LMOD1: variants seen among roughly 807,000 people sequenced by gnomAD.
The protein encoded by LMOD1 is leiomodin 1.
In LMOD1, 8 loss-of-function variants were observed where a neutral mutation model predicts 36.5. That is an observed-to-expected ratio of 0.22 (90% confidence interval 0.13 to 0.40). The LOEUF is 0.40. Ranked by LOEUF, LMOD1 falls within the 10% of genes least tolerant of loss-of-function variation. The probability of loss-of-function intolerance (pLI) is 1.00; values close to 1 mark genes in which losing one functional copy is unlikely to be tolerated. For missense variants in LMOD1, 630 were observed against 751.1 expected, an observed-to-expected ratio of 0.84 and a Z score of 1.88; for synonymous variants, 284 against 288.7, an observed-to-expected ratio of 0.98 and a Z score of 0.17.
chr1:201,939,151 T>C (rs1238733684), intron 1 of LMOD1, among the ~76,000 whole-genome samples: 2 of 148,860 alleles, frequency 1.3e-5, no homozygotes, highest in African/African-American at 4.9e-5. Context: ...TTTTTTTTTT[T>C]TAATTTCGTG....
In LMOD1 at chr1:201,897,448, C is replaced by T. The variant is rs988000483; in HGVS notation, c.*924G>A. On this transcript the variant is annotated 3_prime_UTR_variant, in exon 3 of 3. Transcript: ENST00000367288. ...GGCCTGGCCTTCTAGACCTGGACAA[C>T]CAGGTCAGTGGAGAGTCTTCTGCTT... 1.3e-5 allele frequency: 2 copies of T among 153,222 alleles called. No individual in the cohort carries two copies. Among genetic ancestry groups the T allele is most frequent in the Non-Finnish European group, 2.9e-5 (2 of 68,550 alleles). 9.5% of individuals were successfully genotyped at this position (153,222 alleles called of 1,614,324 possible). A position where few individuals can be genotyped will look rare whatever the true frequency, so the allele number is the denominator to read the frequency against.
Position 201,900,664 on chromosome 1 carries a change from G to T in LMOD1, c.349C>A (p.Arg117=). The T allele has an allele frequency of 3.7e-6, 6 of 1,613,710 alleles. No individual in the cohort carries two copies. Among genetic ancestry groups the T allele is most frequent in the South Asian group, 1.1e-5 (1 of 91,048 alleles). The change falls in exon 2 of 3, where the codon CGG becomes AGG. Residue 117 remains arginine (R), a synonymous_variant. Coordinates refer to ENST00000367288, the MANE Select transcript of LMOD1 (RefSeq NM_012134.3). ...GGCTCCTTCCCCAGATCTGAGTCCC[G>T]TCTGGGGCCCAGGGCTTTTTTGCTG... ...DASKKALGPR[R]DSDLGKEPKR...
rs577218618 is a variant in LMOD1, at chr1:201,907,924, C to T, written c.262-7173G>A. ...GCCCTCACAACTTAGGGGACGTGGC[C>T]GACCAGGGGACAAGTTCACATCAAA... On this transcript the variant is annotated intron_variant, in intron 1 of 2. Coordinates refer to ENST00000367288, the MANE Select transcript of LMOD1 (RefSeq NM_012134.3). 2.6e-5 allele frequency among the ~76,000 whole-genome samples: 4 copies of T among 152,228 alleles called. No individual in the cohort carries two copies. In the East Asian group the frequency reaches 5.8e-4, roughly 22 times the overall value.
chr1:201,901,512 ATATATATATATATATATGTATATAT>A (rs1681301099), intron 1 of LMOD1, among the ~76,000 whole-genome samples: 4 of 35,000 alleles, frequency 1.1e-4, no homozygotes, highest in South Asian at 1.7e-3. Context: ...CAAAAAAAAA[ATATATATATATATATATGTATATAT>A]ATATATATAT....
At chr1:201,932,942 T>C (rs1681951130) in intron 1 of LMOD1, among the ~76,000 whole-genome samples, 1 of 152,148 alleles carries the variant, frequency 6.6e-6, no homozygotes, top group Non-Finnish European at 1.5e-5. Context: ...ATTCCATTCT[T>C]AGGTACATAC....
chr1:201,929,222 C>T (rs993225951), intron 1 of LMOD1, among the ~76,000 whole-genome samples: 16 of 151,986 alleles, frequency 1.1e-4, no homozygotes, highest in Non-Finnish European at 2.1e-4. Context: ...CCTGCCTCAG[C>T]CTCCCAAGTA....
chr1:201,901,547 T>TACAC (rs1418982103), intron 1 of LMOD1, among the ~76,000 whole-genome samples: 19 of 43,964 alleles, frequency 4.3e-4, no homozygotes, highest in East Asian at 2.7e-3. Flanking sequence ...TATATATATA[T>TACAC]ATATACATAT....
chr1:201,904,936 T>A (rs1027754105), intron 1 of LMOD1, among the ~76,000 whole-genome samples: 2 of 152,192 alleles, frequency 1.3e-5, no homozygotes, highest in East Asian at 1.9e-4. Context: ...TAGGAAAACT[T>A]CTTCTTGCTT....
chr1:201,940,789 C>T (rs1456045596), intron 1 of LMOD1, among the ~76,000 whole-genome samples: 1 of 143,580 alleles, frequency 7.0e-6, no homozygotes, highest in African/African-American at 2.6e-5. Context: ...GCTCTTGTTG[C>T]CCAGGCTGGA....
chr1:201,901,538 A>ATATATATACATATATATATGTG lies in LMOD1; in HGVS notation c.262-788_262-787insCACATATATATATGTATATATA, dbSNP rs1558234630. ...TATATATATATATATATGTATATAT[A>ATATATATACATATATATATGTG]TATATATATATATACATATATATAT... On this transcript the variant is annotated intron_variant, in intron 1 of 2. Transcript: ENST00000367288. Among the ~76,000 whole-genome samples the ATATATATACATATATATATGTG allele has an allele frequency of 1.2e-3, 65 of 53,616 alleles. 4 individuals are homozygous for ATATATATACATATATATATGTG. The highest frequency in any genetic ancestry group is 4.8e-3 in the African/African-American group (62 of 12,988). The allele number at this position is 53,616 out of a possible 152,430, so 35.2% of individuals were successfully genotyped here.
chr1:201,900,777 T>A, intron 1 of LMOD1, 26 bp from the exon 2 acceptor site: 2 of 1,553,818 alleles, frequency 1.3e-6, no homozygotes, highest in Non-Finnish European at 1.7e-6. Context: ...AGAAAAATAA[T>A]CATGAAAAGC....
intron 1 of LMOD1, among the ~76,000 whole-genome samples, chr1:201,924,674 A>AAAGAAAGAAAG (rs1384434901): frequency 3.4e-3 from 44 of 12,788 alleles, no homozygotes; most frequent in African/African-American, 7.3e-3. Flanking sequence ...AAAAAGAAAG[A>AAAGAAAGAAAG]AAGAAAGAAA....
rs967420522 is a variant in LMOD1, at chr1:201,913,834, T to A, written c.262-13083A>T. 1.2e-4 allele frequency among the ~76,000 whole-genome samples: 19 copies of A among 152,312 alleles called. No individual in the cohort carries two copies. The South Asian group carries it at 2.3e-3, about 18-fold the overall frequency. On this transcript the variant is annotated intron_variant, in intron 1 of 2. Transcript: ENST00000367288. ...TAAGGCTGAATAGTATTCCATTGTA[T>A]GTATATACCTTGATAATTTTAGCAT...
chr1:201,929,932 T>G (rs1681891226), intron 1 of LMOD1, among the ~76,000 whole-genome samples: 1 of 152,062 alleles, frequency 6.6e-6, no homozygotes, highest in Non-Finnish European at 1.5e-5. Flanking sequence ...CAACTTAGGC[T>G]GGGGGGGTCC....
At chr1:201,938,099 A>G (rs1222817763) in intron 1 of LMOD1, among the ~76,000 whole-genome samples, 3 of 151,260 alleles carry the variant, frequency 2.0e-5, no homozygotes, top group Admixed American at 6.6e-5. Flanking sequence ...CTGAAACCTC[A>G]TAACTATCCT....
At chr1:201,932,376 G>A (rs750132935) in intron 1 of LMOD1, among the ~76,000 whole-genome samples, 2 of 151,982 alleles carry the variant, frequency 1.3e-5, no homozygotes, top group African/African-American at 2.4e-5. Flanking sequence ...TCCAAATCTC[G>A]ATAGAGAGGG....
At chr1:201,938,612 G>A (rs1682060567) in intron 1 of LMOD1, among the ~76,000 whole-genome samples, 1 of 152,202 alleles carries the variant, frequency 6.6e-6, no homozygotes, top group Non-Finnish European at 1.5e-5. Context: ...ATTTCTGCCT[G>A]AGGATGTAGC....
chr1:201,928,188 A>T (rs1681861344), intron 1 of LMOD1, among the ~76,000 whole-genome samples: 1 of 152,214 alleles, frequency 6.6e-6, no homozygotes, highest in Non-Finnish European at 1.5e-5. Flanking sequence ...ACTTCTCTTC[A>T]TTATAAATCA....
intron 1 of LMOD1, among the ~76,000 whole-genome samples, chr1:201,926,862 C>CA (rs1326262732): frequency 1.3e-5 from 2 of 151,906 alleles, no homozygotes; most frequent in Non-Finnish European, 2.9e-5. Context: ...ACAAAAAATA[C>CA]AAAAAAATTA....
Sources: allele counts gnomAD v4.1 joint callset (sites outside exome capture counted in the v4.1 genomes callset), GRCh38; gene constraint gnomAD v4.1.1; transcripts MANE v1.5; gene names NCBI Gene and HGNC (gene_info 2026-07-23, HGNC 2026-07-21).